CNTNAP2: variants seen among roughly 807,000 people sequenced by gnomAD.
The protein encoded by CNTNAP2 is contactin-associated protein-like 2.
In CNTNAP2, 98 loss-of-function variants were observed where a neutral mutation model predicts 155.2. That is an observed-to-expected ratio of 0.63 (90% CI 0.54 to 0.75). CNTNAP2 has a LOEUF of 0.75. CNTNAP2 is among the 30% of genes least tolerant of loss of function. The pLI, the probability that CNTNAP2 is intolerant of heterozygous loss-of-function variation, is 0.00. For missense variants in CNTNAP2, 1,727 were observed against 1,688.1 expected (o/e 1.02, Z -0.40); for synonymous variants, 651 against 631.2 (o/e 1.03, Z -0.47).
At chr7:147,989,613 G>T (rs775062868) in intron 15 of CNTNAP2, among the ~76,000 whole-genome samples, 1 of 152,122 alleles carries the variant, frequency 6.6e-6, no homozygotes, top group African/African-American at 2.4e-5. Flanking sequence ...GAGAAGACAG[G>T]CCTAGTCTCA....
chr7:147,418,494 A>G (rs1050226968), intron 10 of CNTNAP2, among the ~76,000 whole-genome samples: 3 of 152,212 alleles, frequency 2.0e-5, no homozygotes, highest in Admixed American at 2.0e-4. Flanking sequence ...ACAATTTATT[A>G]TTTTTGAGGC....
At chr7:146,312,831 T>C (rs1800848542) in intron 1 of CNTNAP2, among the ~76,000 whole-genome samples, 1 of 152,212 alleles carries the variant, frequency 6.6e-6, no homozygotes, top group Admixed American at 6.5e-5. Flanking sequence ...GTGTTTAGCT[T>C]ATTTCATTTA....
chr7:147,038,237 G>A (rs1799195160), intron 3 of CNTNAP2, among the ~76,000 whole-genome samples: 1 of 152,092 alleles, frequency 6.6e-6, no homozygotes, highest in African/African-American at 2.4e-5. Flanking sequence ...TATATAGCAT[G>A]CATTTTTCCA....
At chr7:147,278,484 G>T (rs1412944193) in intron 8 of CNTNAP2, among the ~76,000 whole-genome samples, 1 of 151,546 alleles carries the variant, frequency 6.6e-6, no homozygotes, top group East Asian at 1.9e-4. Context: ...TATAGTTGGG[G>T]ACAAAATTAT....
intron 12 of CNTNAP2, among the ~76,000 whole-genome samples, chr7:147,589,673 T>A (rs1048248661): frequency 5.9e-5 from 9 of 152,192 alleles, no homozygotes; most frequent in African/African-American, 2.2e-4. Context: ...TATCATAGTG[T>A]ATTTTTCACT....
At chr7:147,568,969 T>C (rs1800230541) in intron 12 of CNTNAP2, among the ~76,000 whole-genome samples, 1 of 152,212 alleles carries the variant, frequency 6.6e-6, no homozygotes, top group Non-Finnish European at 1.5e-5. Context: ...TTCATTTTTT[T>C]CTTAATTTAA....
At chr7:147,753,476 G>A (rs1035410242) in intron 13 of CNTNAP2, among the ~76,000 whole-genome samples, 9 of 152,242 alleles carry the variant, frequency 5.9e-5, no homozygotes, top group East Asian at 1.9e-4. Context: ...ACCACAACTC[G>A]ATTATGATGG....
At chr7:146,911,136 C>G (rs1361097573) in intron 3 of CNTNAP2, among the ~76,000 whole-genome samples, 1 of 151,948 alleles carries the variant, frequency 6.6e-6, no homozygotes, top group Non-Finnish European at 1.5e-5. Context: ...GAATGGCAAT[C>G]ATTAAAAAGT....
At chr7:148,106,877 GA>G (rs1306606527) in intron 15 of CNTNAP2, among the ~76,000 whole-genome samples, 4 of 152,138 alleles carry the variant, frequency 2.6e-5, no homozygotes, top group Non-Finnish European at 4.4e-5. Flanking sequence ...ACCCAGGACA[GA>G]AATTGGAGTG....
chr7:147,865,633 A>G lies in CNTNAP2; in HGVS notation c.2099-37932A>G, dbSNP rs192974215. On this transcript the variant is annotated intron_variant, in intron 13 of 23. Coordinates refer to ENST00000361727, the MANE Select transcript of CNTNAP2 (RefSeq NM_014141.6). ...TGTTATTGGTCTATTGAGAGATTCAATTTCTTCCTGGTTTAGTGTTGGGAG... is the reference window on the plus strand; with the variant it reads ...TGTTATTGGTCTATTGAGAGATTCAGTTTCTTCCTGGTTTAGTGTTGGGAG... 4.6e-5 allele frequency among the ~76,000 whole-genome samples: 7 copies of G among 152,214 alleles called. No individual in the cohort carries two copies. The East Asian group carries it at 1.2e-3, about 25-fold the overall frequency.
chr7:147,595,235 A>C (rs1800806690), intron 12 of CNTNAP2, among the ~76,000 whole-genome samples: 1 of 152,234 alleles, frequency 6.6e-6, no homozygotes, highest in Non-Finnish European at 1.5e-5. Context: ...AGCCATAGTC[A>C]GTAAACTTTT....
At chr7:147,124,502 A>G (rs1305835804) in intron 6 of CNTNAP2, among the ~76,000 whole-genome samples, 1 of 152,166 alleles carries the variant, frequency 6.6e-6, no homozygotes, top group Non-Finnish European at 1.5e-5. Flanking sequence ...GCTACCATAT[A>G]TGGAACTGAG....
chr7:146,215,373 C>T (rs557622050), intron 1 of CNTNAP2, among the ~76,000 whole-genome samples: 41 of 152,242 alleles, frequency 2.7e-4, no homozygotes, highest in Admixed American at 2.6e-3. Flanking sequence ...ACTGCATACA[C>T]ATCTTACTGT....
At chr7:146,362,026 A>G (rs1795089533) in intron 1 of CNTNAP2, among the ~76,000 whole-genome samples, 1 of 152,204 alleles carries the variant, frequency 6.6e-6, no homozygotes, top group South Asian at 2.1e-4. Flanking sequence ...AGACATGCAG[A>G]AAACTTTTAC....
At chr7:147,726,362 C>A (rs1796642895) in intron 13 of CNTNAP2, among the ~76,000 whole-genome samples, 1 of 151,930 alleles carries the variant, frequency 6.6e-6, no homozygotes, top group African/African-American at 2.4e-5. Context: ...CCAGGACTGG[C>A]CACTTGCTAC....
chr7:148,268,039 G>A (rs1796705591), intron 21 of CNTNAP2, among the ~76,000 whole-genome samples: 2 of 152,218 alleles, frequency 1.3e-5, no homozygotes, highest in Admixed American at 6.5e-5. Flanking sequence ...CACCAGAGGA[G>A]ATTAGCACTG....
At chr7:147,659,331 A>G (rs943073249) in intron 13 of CNTNAP2, among the ~76,000 whole-genome samples, 1 of 152,210 alleles carries the variant, frequency 6.6e-6, no homozygotes, top group Non-Finnish European at 1.5e-5. Context: ...GGTAGCTTTT[A>G]TAGATATTTT....
intron 12 of CNTNAP2, among the ~76,000 whole-genome samples, chr7:147,604,237 C>T (rs1050771876): frequency 2.0e-5 from 3 of 151,568 alleles, no homozygotes; most frequent in Non-Finnish European, 4.4e-5. Context: ...TCTAATTAAA[C>T]TAAAGAGCTT....
At chr7:146,468,147 TTATCTC>T (rs1796742217) in intron 1 of CNTNAP2, among the ~76,000 whole-genome samples, 1 of 152,090 alleles carries the variant, frequency 6.6e-6, no homozygotes, top group South Asian at 2.1e-4. Context: ...TACATCAAAA[TTATCTC>T]AATCTGGAGA....
Sources: allele counts gnomAD v4.1 joint callset (sites outside exome capture counted in the v4.1 genomes callset), GRCh38; gene constraint gnomAD v4.1.1; transcripts MANE v1.5; gene names NCBI Gene and HGNC (gene_info 2026-07-23, HGNC 2026-07-21).